The following FAM20A variants were observed in gnomAD, a reference collection of about 807,000 sequenced individuals.
The protein encoded by FAM20A is pseudokinase FAM20A.
Under a neutral mutation model 52.0 loss-of-function variants are expected in FAM20A, and 42 were observed. The ratio of observed to expected loss-of-function variants is 0.81; its 90% CI spans 0.63 to 1.04. FAM20A has a LOEUF of 1.04. FAM20A is among the 50% of genes least tolerant of loss of function. The pLI, the probability that FAM20A is intolerant of heterozygous loss-of-function variation, is 0.00. For missense variants in FAM20A, 742 were observed against 712.7 expected (o/e 1.04, Z -0.47); for synonymous variants, 304 against 298.9 (o/e 1.02, Z -0.18).
chr17:68,542,089 C>T lies in FAM20A; in HGVS notation c.1005G>A (p.Leu335=). Residue 335 remains leucine (L), a synonymous_variant, in exon 7 of 11, where the codon CTG becomes CTA. Coordinates refer to ENST00000592554, the MANE Select transcript of FAM20A (RefSeq NM_017565.4). Reference sequence around the variant, plus strand: ...GGAAGGCAGAGAGGGAACCCTCCAGCAGGTGTGGGTTGCCACAGACAGCAT... The same window carrying T: ...GGAAGGCAGAGAGGGAACCCTCCAGTAGGTGTGGGTTGCCACAGACAGCAT... ...TEYAVCGNPH[L]LEGSLSAFLP... is the part of the protein sequence containing the mutation. The T allele has an allele frequency of 6.2e-7, 1 of 1,613,974 alleles. No homozygotes were observed. The highest frequency in any genetic ancestry group is 8.5e-7 in the Non-Finnish European group (1 of 1,179,880).
chr17:68,545,778 T>C (rs1436413350), intron 4 of FAM20A, among the ~76,000 whole-genome samples: 1 of 152,238 alleles, frequency 6.6e-6, no homozygotes, highest in Non-Finnish European at 1.5e-5. Context: ...TGCATAATAT[T>C]CTAAATCCTC....
chr17:68,577,332 A>G lies in FAM20A; in HGVS notation c.405-21589T>C, dbSNP rs564274417. 2.6e-5 allele frequency among the ~76,000 whole-genome samples: 4 copies of G among 152,354 alleles called. No individual in the cohort carries two copies. The East Asian group carries it at 5.8e-4, about 22-fold the overall frequency. On this transcript the variant is annotated intron_variant, in intron 1 of 10. Coordinates refer to ENST00000592554, the MANE Select transcript of FAM20A (RefSeq NM_017565.4). ...TAAAGCTGGACTGCGGAGCTCCTCA[A>G]CCTAATTGTGATGTGATGATTCACG... is the stretch of plus-strand genomic sequence containing the variant.
intron 1 of FAM20A, among the ~76,000 whole-genome samples, chr17:68,574,642 T>C (rs2087674971): frequency 6.6e-6 from 1 of 152,196 alleles, no homozygotes; most frequent in Non-Finnish European, 1.5e-5. Flanking sequence ...CTTTATCCTT[T>C]ACAAAGGGGA....
At chr17:68,548,497 T>A (rs976398162) in intron 4 of FAM20A, among the ~76,000 whole-genome samples, 1 of 151,452 alleles carries the variant, frequency 6.6e-6, no homozygotes, top group African/African-American at 2.4e-5. Flanking sequence ...ACCATTGCAC[T>A]CCAGCCTGGG....
chr17:68,560,286 A>G (rs1332159730), intron 1 of FAM20A, among the ~76,000 whole-genome samples: 3 of 151,150 alleles, frequency 2.0e-5, no homozygotes, highest in African/African-American at 7.3e-5. Context: ...TGGAGGTTGC[A>G]GTGAGCTGAG....
In FAM20A at chr17:68,600,727, G is replaced by C. The variant is rs1276286884; in HGVS notation, c.-61C>G. 37 of 1,503,500 alleles carry C rather than the reference G, an allele frequency of 2.5e-5. No individual in the cohort carries two copies. Among genetic ancestry groups the C allele is most frequent in the Non-Finnish European group, 3.0e-5 (34 of 1,129,824 alleles). The allele number at this position is 1,503,500 out of a possible 1,614,324, so 93.1% of individuals were successfully genotyped here. On this transcript the variant is annotated 5_prime_UTR_variant, in exon 1 of 11. Transcript: ENST00000592554. The surrounding 1 kb of genome is among the most constrained non-coding windows in gnomAD (Gnocchi z 6.2). ...GGCTGTCTCCGGGGTCCCGGGAGGGGTCGCGGGGTGCGGGCAGAAGAGGTG... is the reference window on the plus strand; with the variant it reads ...GGCTGTCTCCGGGGTCCCGGGAGGGCTCGCGGGGTGCGGGCAGAAGAGGTG...
At chr17:68,580,238 G>A (rs971494832) in intron 1 of FAM20A, among the ~76,000 whole-genome samples, 1 of 152,182 alleles carries the variant, frequency 6.6e-6, no homozygotes, top group Non-Finnish European at 1.5e-5. Context: ...GAATTTCCTT[G>A]GAGCCTTCTT....
chr17:68,536,349 TTAC>T lies in FAM20A; in HGVS notation c.*1125_*1127del, dbSNP rs1386071189. Reference sequence around the variant, plus strand: ...CTAGTCACTCCATGGAATGAAGACCTTACTGTCCTTTGTGTTTTCGGTCATTAA... The same window carrying T: ...CTAGTCACTCCATGGAATGAAGACCTTGTCCTTTGTGTTTTCGGTCATTAA... On this transcript the variant is annotated 3_prime_UTR_variant, in exon 11 of 11. Coordinates refer to ENST00000592554, the MANE Select transcript of FAM20A (RefSeq NM_017565.4). 2.4e-5 allele frequency: 11 copies of T among 453,968 alleles called. No homozygotes were observed. The highest frequency in any genetic ancestry group is 4.0e-5 in the Non-Finnish European group (9 of 226,790). 28.1% of individuals were successfully genotyped at this position (453,968 alleles called of 1,614,324 possible).
chr17:68,548,742 T>C (rs1177828636), intron 4 of FAM20A, among the ~76,000 whole-genome samples: 1 of 143,484 alleles, frequency 7.0e-6, no homozygotes, highest in Non-Finnish European at 1.5e-5. Flanking sequence ...TTTTTTTTTT[T>C]TTTTTTTTGA....
chr17:68,578,040 G>A (rs2087824005), intron 1 of FAM20A, among the ~76,000 whole-genome samples: 1 of 151,950 alleles, frequency 6.6e-6, no homozygotes, highest in Non-Finnish European at 1.5e-5. Flanking sequence ...CTATTAGCAA[G>A]TGACATTGGA....
At chr17:68,577,872 C>T (rs774378418) in intron 1 of FAM20A, among the ~76,000 whole-genome samples, 2 of 152,134 alleles carry the variant, frequency 1.3e-5, no homozygotes, top group Non-Finnish European at 2.9e-5. Context: ...ACCTAACAAG[C>T]ATATTGATAA....
At position 68,575,382 on chromosome 17, in the gene FAM20A, C is replaced by CATAT. The variant is rs3059287; in HGVS notation, c.405-19643_405-19640dup. 2.9e-3 allele frequency among the ~76,000 whole-genome samples: 370 copies of CATAT among 129,060 alleles called. 1 individual carries two copies. Among genetic ancestry groups the CATAT allele is most frequent in the African/African-American group, 0.01 (351 of 34,984 alleles). 84.7% of individuals were successfully genotyped at this position (129,060 alleles called of 152,430 possible). A position where few individuals can be genotyped will look rare whatever the true frequency, so the allele number is the denominator to read the frequency against. On this transcript the variant is annotated intron_variant, in intron 1 of 10. Transcript: ENST00000592554. ...GCCAACACAGGTTCACTTTACTTTA[C>CATAT]ATATATATATATATTTTATATATAT...
chr17:68,544,057 A>G (rs2086435577), intron 4 of FAM20A, among the ~76,000 whole-genome samples: 2 of 152,206 alleles, frequency 1.3e-5, no homozygotes, highest in African/African-American at 4.8e-5. Flanking sequence ...AGGTATAAAC[A>G]GAAGAGAGGG....
chr17:68,571,493 G>A (rs756153216), intron 1 of FAM20A, among the ~76,000 whole-genome samples: 1 of 152,150 alleles, frequency 6.6e-6, no homozygotes, highest in Non-Finnish European at 1.5e-5. Context: ...AGTTCATAAG[G>A]TTGGTCTCAC....
At chr17:68,556,584 G>T (rs1043527280) in intron 1 of FAM20A, among the ~76,000 whole-genome samples, 7 of 152,034 alleles carry the variant, frequency 4.6e-5, no homozygotes, top group African/African-American at 1.4e-4. Flanking sequence ...AGGGAGGGGG[G>T]GTGGTTTGGC....
intron 1 of FAM20A, chr17:68,575,117 G>A (rs1186934688): frequency 8.6e-5 from 13 of 151,990 alleles, no homozygotes; most frequent in Middle Eastern, 3.4e-3. Context: ...ATGGATTCTC[G>A]CCTAGAGCCT....
chr17:68,545,741 C>A (rs2086524965), intron 4 of FAM20A, among the ~76,000 whole-genome samples: 1 of 152,240 alleles, frequency 6.6e-6, no homozygotes. Context: ...TCCTCTCAAA[C>A]CCTGCTGCTG....
In FAM20A at chr17:68,553,921, CAT is replaced by C. The variant is rs201099915; in HGVS notation, c.640+854_640+855del. On this transcript the variant is annotated intron_variant, in intron 3 of 10. Transcript: ENST00000592554. ...ATATGCATATATACATATATACACA[CAT>C]ATATGCATATATACATATATACACA... Among the ~76,000 whole-genome samples, 709 of 133,670 alleles carry C rather than the reference CAT, an allele frequency of 5.3e-3. 7 individuals carry two copies. Among genetic ancestry groups the C allele is most frequent in the African/African-American group, 0.024 (636 of 26,772 alleles). The allele number at this position is 133,670 out of a possible 152,430, so 87.7% of individuals were successfully genotyped here. A position where few individuals can be genotyped will look rare whatever the true frequency, so the allele number is the denominator to read the frequency against.
intron 4 of FAM20A, among the ~76,000 whole-genome samples, chr17:68,547,147 G>C (rs1385128362): frequency 1.3e-5 from 2 of 152,132 alleles, no homozygotes; most frequent in Non-Finnish European, 2.9e-5. Context: ...GTAAAATTTA[G>C]CATCACTCTT....
Sources: allele counts gnomAD v4.1 joint callset (sites outside exome capture counted in the v4.1 genomes callset), GRCh38; gene constraint gnomAD v4.1.1; non-coding constraint Gnocchi (gnomAD v3.1); transcripts MANE v1.5; gene names NCBI Gene and HGNC (gene_info 2026-07-23, HGNC 2026-07-21).